IRAG1: variants seen among roughly 807,000 people sequenced by gnomAD.
IRAG1 encodes the protein IP3R-associated cGMP kinase substrate.
Under a neutral mutation model 106.2 loss-of-function variants are expected in IRAG1, and 62 were observed. That is an observed-to-expected ratio of 0.58 (90% CI 0.48 to 0.72). The LOEUF is 0.72. IRAG1 is among the 30% of genes least tolerant of loss of function. IRAG1 has a pLI of 0.00. For missense variants in IRAG1, 1,064 were observed against 1,140.7 expected (o/e 0.93, Z 0.97); for synonymous variants, 462 against 443.9 (o/e 1.04, Z -0.51).
intron 2 of IRAG1, among the ~76,000 whole-genome samples, chr11:10,650,635 G>A (rs1858403291): frequency 6.6e-6 from 1 of 152,194 alleles, no homozygotes; most frequent in African/African-American, 2.4e-5. Context: ...ATGCAGTTGT[G>A]AGTGTTTTGT....
At position 10,576,942 on chromosome 11, in the gene IRAG1, C is replaced by T. The variant is rs554979805; in HGVS notation, c.2496-367G>A. 2.6e-5 allele frequency among the ~76,000 whole-genome samples: 4 copies of T among 152,304 alleles called. No homozygotes were observed. The South Asian group carries it at 6.2e-4, about 24-fold the overall frequency. ...ACTGATATCTGCACTCTCCCAAGCC[C>T]GGGGGTACAGGATTGGTTGGCCATG... On this transcript the variant is annotated intron_variant, in intron 20 of 20. Coordinates refer to ENST00000423302, the MANE Select transcript of IRAG1 (RefSeq NM_130385.4).
chr11:10,596,388 T>C (rs1411847113), intron 15 of IRAG1, among the ~76,000 whole-genome samples: 3 of 152,254 alleles, frequency 2.0e-5, no homozygotes, highest in African/African-American at 7.2e-5. Flanking sequence ...ATTATTGCCA[T>C]TGAGAATTGT....
intron 10 of IRAG1, among the ~76,000 whole-genome samples, chr11:10,616,524 C>CA (rs1855444596): frequency 6.9e-6 from 1 of 144,392 alleles, no homozygotes; most frequent in Non-Finnish European, 1.5e-5. Flanking sequence ...AAAGCAAAAA[C>CA]AAAAAACAAA....
intron 1 of IRAG1, among the ~76,000 whole-genome samples, chr11:10,680,227 T>C (rs1322344468): frequency 7.5e-6 from 1 of 132,508 alleles, no homozygotes; most frequent in Non-Finnish European, 1.6e-5. Flanking sequence ...GAGCAGAGAT[T>C]ACACCACTAC....
At chr11:10,664,799 G>A (rs1203391648) in intron 1 of IRAG1, among the ~76,000 whole-genome samples, 1 of 152,204 alleles carries the variant, frequency 6.6e-6, no homozygotes, top group Non-Finnish European at 1.5e-5. Context: ...GAGTTCCAGA[G>A]GGTGAAAGCA....
chr11:10,595,299 T>G (rs764948253), intron 15 of IRAG1, among the ~76,000 whole-genome samples: 1 of 152,206 alleles, frequency 6.6e-6, no homozygotes, highest in Non-Finnish European at 1.5e-5. Flanking sequence ...TTGTGATTAA[T>G]ATATTTGTAT....
At chr11:10,654,839 A>C (rs1858796289) in intron 1 of IRAG1, among the ~76,000 whole-genome samples, 1 of 152,190 alleles carries the variant, frequency 6.6e-6, no homozygotes, top group African/African-American at 2.4e-5. Context: ...ATAAGACAGG[A>C]TGGGGAGAAG....
intron 1 of IRAG1, among the ~76,000 whole-genome samples, chr11:10,671,310 T>A (rs1234049677): frequency 2.0e-5 from 3 of 152,270 alleles, no homozygotes; most frequent in Non-Finnish European, 2.9e-5. Flanking sequence ...ATGATTGATA[T>A]AGTACAATCA....
intron 10 of IRAG1, among the ~76,000 whole-genome samples, chr11:10,612,773 C>A (rs1191350147): frequency 6.6e-6 from 1 of 151,608 alleles, no homozygotes; most frequent in Non-Finnish European, 1.5e-5. Flanking sequence ...AAAATATATA[C>A]CATAAATACT....
Position 10,576,259 on chromosome 11 carries a change from C to A in IRAG1, c.*73G>T. 6.3e-7 allele frequency: 1 copy of A among 1,591,720 alleles called. No individual in the cohort carries two copies. On this transcript the variant is annotated 3_prime_UTR_variant, in exon 21 of 21. Coordinates refer to ENST00000423302, the MANE Select transcript of IRAG1 (RefSeq NM_130385.4). ...GGCGGCAGTGTGTCCACACTTGGGC[C>A]TGACGTTATACTTGGGGAAAGGGTG...
At chr11:10,688,945 C>G (rs979247977) in intron 1 of IRAG1, among the ~76,000 whole-genome samples, 2 of 152,122 alleles carry the variant, frequency 1.3e-5, no homozygotes, top group Non-Finnish European at 2.9e-5. Context: ...ATAAGGAGGA[C>G]AATGACAGTA....
chr11:10,636,375 C>T (rs1005828728), intron 2 of IRAG1, among the ~76,000 whole-genome samples: 2 of 152,074 alleles, frequency 1.3e-5, no homozygotes, highest in Non-Finnish European at 2.9e-5. Context: ...CAGGGTCTTA[C>T]TATGTTGGCC....
At chr11:10,577,074 A>G (rs1015031223) in intron 20 of IRAG1, among the ~76,000 whole-genome samples, 10 of 152,202 alleles carry the variant, frequency 6.6e-5, no homozygotes, top group Admixed American at 5.9e-4. Context: ...AACTGTGTCC[A>G]GAGTAGAAGG....
At chr11:10,684,743 G>C (rs1371918989) in intron 1 of IRAG1, among the ~76,000 whole-genome samples, 1 of 151,880 alleles carries the variant, frequency 6.6e-6, no homozygotes, top group East Asian at 1.9e-4. Flanking sequence ...CTTTTCCTTT[G>C]ATTTTCTCAA....
chr11:10,660,393 G>A lies in IRAG1; in HGVS notation c.68-8211C>T, dbSNP rs151332392. Among the ~76,000 whole-genome samples the A allele has an allele frequency of 1.9e-3, 283 of 152,202 alleles. 2 individuals are homozygous for A. Among genetic ancestry groups the A allele is most frequent in the African/African-American group, 6.6e-3 (273 of 41,500 alleles). ...CATAGCGGAAACTATATAATGATTT[G>A]CTACTGCCCATCTCTTCTCAGTTCC... On this transcript the variant is annotated intron_variant, in intron 1 of 20. Transcript: ENST00000423302.
At chr11:10,651,424 C>T (rs1858494377) in intron 2 of IRAG1, among the ~76,000 whole-genome samples, 1 of 152,142 alleles carries the variant, frequency 6.6e-6, no homozygotes, top group Non-Finnish European at 1.5e-5. Context: ...TATACCCACA[C>T]CAAAATCAAC....
At chr11:10,633,143 G>A (rs56111435) in intron 3 of IRAG1, among the ~76,000 whole-genome samples, 4 of 147,296 alleles carry the variant, frequency 2.7e-5, no homozygotes, top group African/African-American at 7.5e-5. Context: ...GGCGCGATCT[G>A]GGCTCACTGC....
chr11:10,675,841 T>C (rs890198421), intron 1 of IRAG1, among the ~76,000 whole-genome samples: 2 of 152,166 alleles, frequency 1.3e-5, no homozygotes, highest in African/African-American at 4.8e-5. Flanking sequence ...AATGGCCACC[T>C]TTGCCCAGGT....
At chr11:10,585,239 C>T (rs1000527176) in intron 18 of IRAG1, among the ~76,000 whole-genome samples, 1 of 152,148 alleles carries the variant, frequency 6.6e-6, no homozygotes, top group African/African-American at 2.4e-5. Flanking sequence ...CCTAGCAGGG[C>T]CAGGAAGCCC....
Sources: gnomAD v4.1 joint callset for allele counts (sites outside exome capture counted in the v4.1 genomes callset) on GRCh38, gnomAD v4.1.1 for gene constraint, MANE v1.5 for transcripts, NCBI Gene and HGNC (gene_info 2026-07-23, HGNC 2026-07-21) for gene names.